ATPAF2: variants seen among roughly 807,000 people sequenced by gnomAD.
ATPAF2 encodes ATP synthase mitochondrial F1 complex assembly factor 2, also known as ATP12 homolog.
In ATPAF2, 30 loss-of-function variants were observed where a neutral mutation model predicts 36.6. The observed-to-expected ratio is 0.82, with a 90% CI of 0.61 to 1.11. ATPAF2 has a LOEUF of 1.11. Among genes scored for constraint, ATPAF2 ranks in the 50% most tolerant of loss-of-function variants. The probability of loss-of-function intolerance (pLI) is 0.00; values close to 1 mark genes in which losing one functional copy is unlikely to be tolerated. For missense variants in ATPAF2, 321 were observed against 372.3 expected (o/e 0.86, Z 1.13); for synonymous variants, 140 against 152.6 (o/e 0.92, Z 0.61).
intron 1 of ATPAF2, among the ~76,000 whole-genome samples, chr17:18,035,956 A>G (rs1360224333): frequency 6.6e-6 from 1 of 152,228 alleles, no homozygotes; most frequent in East Asian, 1.9e-4. Flanking sequence ...TCAGCCAGAT[A>G]CGCTGAATAG....
intron 2 of ATPAF2, 44 bp downstream of exon 2, chr17:18,028,571 A>AC: frequency 3.9e-6 from 2 of 508,360 alleles, no homozygotes; most frequent in Non-Finnish European, 3.1e-6. Flanking sequence ...AACCATTCAC[A>AC]AAAAAAAAAA....
intron 1 of ATPAF2, among the ~76,000 whole-genome samples, chr17:18,033,626 CAAG>C (rs1296494552): frequency 1.3e-5 from 2 of 151,974 alleles, no homozygotes; most frequent in Non-Finnish European, 2.9e-5. Flanking sequence ...CACAGTGCAC[CAAG>C]AAGAGGAAGT....
intron 1 of ATPAF2, among the ~76,000 whole-genome samples, chr17:18,030,669 C>CT (rs545874481): frequency 0.011 from 1,458 of 135,988 alleles, 17 homozygotes; most frequent in African/African-American, 0.026. Flanking sequence ...TTTTCTTTTT[C>CT]TTTTTTTTTT....
chr17:18,024,641 G>T lies in ATPAF2; in HGVS notation c.486C>A (p.Ile162=). Reference sequence around the variant, plus strand: ...CATCTTACCTTTTCTCAGCCCATTCGATGATTGGATCCCACTCATTCCTTT... The same window carrying T: ...CATCTTACCTTTTCTCAGCCCATTCTATGATTGGATCCCACTCATTCCTTT... ...ELQRNEWDPI[I]EWAEKRYGVE... Residue 162 remains isoleucine, a synonymous_variant, in exon 5 of 8, where the codon ATC becomes ATA. Coordinates refer to ENST00000474627, the MANE Select transcript of ATPAF2 (RefSeq NM_145691.4). 1.2e-6 allele frequency: 2 copies of T among 1,613,814 alleles called. No homozygotes were observed. The highest frequency in any genetic ancestry group is 2.2e-5 in the East Asian group (1 of 44,894).
chr17:18,019,183 A>ACACACCCCAC (rs1396685458), intron 7 of ATPAF2, among the ~76,000 whole-genome samples: 346 of 150,788 alleles, frequency 2.3e-3, no homozygotes, highest in African/African-American at 8.2e-3. Context: ...ACACACACAC[A>ACACACCCCAC]CACCCCACCA....
chr17:18,035,176 C>T (rs959067518), intron 1 of ATPAF2, among the ~76,000 whole-genome samples: 24 of 152,032 alleles, frequency 1.6e-4, no homozygotes, highest in Non-Finnish European at 2.6e-4. Flanking sequence ...TTACAGTGAG[C>T]TGTGATCGTG....
intron 7 of ATPAF2, chr17:18,020,790 C>G (rs2044459084): frequency 7.3e-6 from 2 of 275,314 alleles, no homozygotes; most frequent in South Asian, 8.4e-5. Context: ...GCAATCCTCC[C>G]ACGTCAGCTT....
chr17:18,033,511 G>A (rs1319268979), intron 1 of ATPAF2, among the ~76,000 whole-genome samples: 2 of 151,726 alleles, frequency 1.3e-5, no homozygotes, highest in Non-Finnish European at 2.9e-5. Flanking sequence ...AGACATCAAT[G>A]GTAACCCTGT....
At chr17:18,017,629 C>T (rs983714702), downstream of ATPAF2, among the ~76,000 whole-genome samples, 2 of 152,252 alleles carry the variant, frequency 1.3e-5, no homozygotes, top group African/African-American at 4.8e-5. Flanking sequence ...CTTCGAGGAA[C>T]AGTTCAGGGA....
chr17:18,030,662 T>C (rs2044616972), intron 1 of ATPAF2, among the ~76,000 whole-genome samples: 1 of 150,220 alleles, frequency 6.7e-6, no homozygotes, highest in Non-Finnish European at 1.5e-5. Context: ...ATATTTTTTT[T>C]CTTTTTCTTT....
At chr17:18,016,896 G>A (rs959185886), downstream of ATPAF2, 3 of 397,186 alleles carry the variant, frequency 7.6e-6, no homozygotes, top group African/African-American at 6.2e-5. Context: ...AAAATCAGCT[G>A]GGTGCGGTGG....
intron 1 of ATPAF2, among the ~76,000 whole-genome samples, chr17:18,032,860 A>G (rs2044656187): frequency 6.8e-6 from 1 of 147,476 alleles, no homozygotes; most frequent in African/African-American, 2.5e-5. Flanking sequence ...TTTTTGGCAG[A>G]GCAGGGCTGT....
chr17:18,027,158 T>C (rs2044558939), intron 3 of ATPAF2, among the ~76,000 whole-genome samples: 1 of 151,662 alleles, frequency 6.6e-6, no homozygotes, highest in South Asian at 2.1e-4. Context: ...GAGGCAGAGG[T>C]TGCAGTGAGC....
At chr17:18,036,501 G>A (rs994059741) in intron 1 of ATPAF2, among the ~76,000 whole-genome samples, 2 of 151,818 alleles carry the variant, frequency 1.3e-5, no homozygotes, top group African/African-American at 2.4e-5. Flanking sequence ...GCGTGAACCC[G>A]GGAGGCGGAG....
At position 18,018,469 on chromosome 17, in the gene ATPAF2, C is replaced by A. The variant is rs529659231; in HGVS notation, c.*80G>T. 7.0e-5 allele frequency: 111 copies of A among 1,595,074 alleles called. No homozygotes were observed. Among genetic ancestry groups the A allele is most frequent in the Admixed American group, 4.0e-4 (24 of 59,998 alleles). On this transcript the variant is annotated 3_prime_UTR_variant, in exon 8 of 8. Coordinates refer to ENST00000474627, the MANE Select transcript of ATPAF2 (RefSeq NM_145691.4). ...TCCCCAAAAGCCAAGGAAGCCAGCCCCACAGGCTGGGGAGCCCTGAAGGCC... is the reference window on the plus strand; with the variant it reads ...TCCCCAAAAGCCAAGGAAGCCAGCCACACAGGCTGGGGAGCCCTGAAGGCC...
At chr17:18,036,178 G>C (rs1209977718) in intron 1 of ATPAF2, among the ~76,000 whole-genome samples, 2 of 152,132 alleles carry the variant, frequency 1.3e-5, no homozygotes, top group African/African-American at 4.8e-5. Flanking sequence ...CAATCAGCTT[G>C]CTGACTGAAG....
intron 1 of ATPAF2, among the ~76,000 whole-genome samples, chr17:18,035,540 TATCTC>T (rs1459117420): frequency 3.3e-5 from 5 of 152,184 alleles, no homozygotes; most frequent in African/African-American, 4.8e-5. Flanking sequence ...AGCAAGTAAA[TATCTC>T]AATAAAGCTG....
At chr17:18,016,334 C>A, downstream of ATPAF2, 1 of 1,023,958 alleles carries the variant, frequency 9.8e-7, no homozygotes, top group Non-Finnish European at 1.5e-6. Context: ...TAGAATTCCA[C>A]ACTGAAGACA....
intron 1 of ATPAF2, among the ~76,000 whole-genome samples, chr17:18,038,114 G>T (rs1031530995): frequency 6.6e-6 from 1 of 152,152 alleles, no homozygotes; most frequent in Non-Finnish European, 1.5e-5. Flanking sequence ...TTCTTTAATT[G>T]AGCTTCTCTA....
Sources: allele counts gnomAD v4.1 joint callset (sites outside exome capture counted in the v4.1 genomes callset), GRCh38; gene constraint gnomAD v4.1.1; transcripts MANE v1.5; gene names NCBI Gene and HGNC (gene_info 2026-07-23, HGNC 2026-07-21).